Variants in HCRTR2 observed in about 807,000 individuals in gnomAD.
HCRTR2 encodes the protein orexin receptor type 2.
Under a neutral mutation model 49.0 loss-of-function variants are expected in HCRTR2, and 22 were observed. That is an observed-to-expected ratio of 0.45 (90% CI 0.32 to 0.64). The LOEUF (loss-of-function observed/expected upper bound fraction) is 0.64. HCRTR2 is among the 30% of genes least tolerant of loss of function. The pLI is 0.04. For missense variants in HCRTR2, 491 were observed against 559.4 expected (o/e 0.88, Z 1.23); for synonymous variants, 236 against 205.3 (o/e 1.15, Z -1.28).
At chr6:55,279,520 AACACAC>A (rs34736199) in intron 5 of HCRTR2, among the ~76,000 whole-genome samples, 161 of 142,762 alleles carry the variant, frequency 1.1e-3, no homozygotes, top group African/African-American at 3.1e-3. Context: ...TTCTTGCTGT[AACACAC>A]ACACACACAC....
At chr6:55,175,442 T>C (rs899357730) in intron 1 of HCRTR2, among the ~76,000 whole-genome samples, 1 of 152,024 alleles carries the variant, frequency 6.6e-6, no homozygotes, top group African/African-American at 2.4e-5. Flanking sequence ...AGGAGGGGCA[T>C]CGGAGAAAAG....
At chr6:55,125,993 G>A (rs1764270626) in intron 1 of HCRTR2, among the ~76,000 whole-genome samples, 1 of 151,958 alleles carries the variant, frequency 6.6e-6, no homozygotes, top group African/African-American at 2.4e-5. Flanking sequence ...CTCTAAGCTG[G>A]TTGTTCTAGT....
At chr6:55,182,969 C>T (rs570140504) in intron 1 of HCRTR2, among the ~76,000 whole-genome samples, 1 of 152,274 alleles carries the variant, frequency 6.6e-6, no homozygotes, top group South Asian at 2.1e-4. Flanking sequence ...GAATTCAATG[C>T]TTAATGGCAT....
chr6:55,192,277 G>A (rs1361878392), intron 1 of HCRTR2, among the ~76,000 whole-genome samples: 4 of 152,084 alleles, frequency 2.6e-5, no homozygotes, highest in Admixed American at 2.6e-4. Context: ...TTATTGGCTG[G>A]ACATGGTGGC....
intron 1 of HCRTR2, among the ~76,000 whole-genome samples, chr6:55,230,075 A>G (rs965779562): frequency 1.3e-5 from 2 of 152,202 alleles, no homozygotes; most frequent in South Asian, 2.1e-4. Context: ...GTCAGGCACC[A>G]ACCAGCAATA....
In HCRTR2 at chr6:55,200,038, A is replaced by C. The variant is rs11968170; in HGVS notation, c.223+25228A>C. Among the ~76,000 whole-genome samples the C allele has an allele frequency of 2.8e-3, 428 of 152,320 alleles. 4 individuals carry two copies. Among genetic ancestry groups the C allele is most frequent in the African/African-American group, 1.0e-2 (414 of 41,574 alleles). ...ACCCAGCTTTGCCACTTACTGCCCA[A>C]GTAAATATTGCCATCCATCAGATAT... On this transcript the variant is annotated intron_variant, in intron 1 of 6. Transcript: ENST00000370862.
At chr6:55,159,328 C>T (rs1764774215) in intron 1 of HCRTR2, among the ~76,000 whole-genome samples, 1 of 151,616 alleles carries the variant, frequency 6.6e-6, no homozygotes, top group Non-Finnish European at 1.5e-5. Context: ...AAAACCCCAT[C>T]TGAAGGTCAC....
intron 4 of HCRTR2, among the ~76,000 whole-genome samples, chr6:55,272,539 T>C (rs1245866356): frequency 6.6e-6 from 1 of 152,048 alleles, no homozygotes; most frequent in Non-Finnish European, 1.5e-5. Context: ...TAAAATGTTT[T>C]CTTTTAAAAA....
chr6:55,165,485 A>T (rs547307567), intron 1 of HCRTR2, among the ~76,000 whole-genome samples: 38 of 152,142 alleles, frequency 2.5e-4, no homozygotes, highest in Non-Finnish European at 5.1e-4. Context: ...AATAGATTAA[A>T]GACCTAAGTA....
chr6:55,106,944 G>C (rs4236124), intron 1 of HCRTR2, among the ~76,000 whole-genome samples: 1 of 152,126 alleles, frequency 6.6e-6, no homozygotes, highest in African/African-American at 2.4e-5. Flanking sequence ...CTCAGACAGA[G>C]GTGACTATCT....
chr6:55,212,446 G>A (rs1279691769), intron 1 of HCRTR2, among the ~76,000 whole-genome samples: 4 of 152,116 alleles, frequency 2.6e-5, no homozygotes, highest in Non-Finnish European at 5.9e-5. Context: ...TGGTATGGAA[G>A]TGGACATTTC....
intron 1 of HCRTR2, among the ~76,000 whole-genome samples, chr6:55,127,851 T>G (rs973338705): frequency 6.6e-6 from 1 of 152,112 alleles, no homozygotes; most frequent in African/African-American, 2.4e-5. Flanking sequence ...GTTTGTAAAA[T>G]TTTTCTCCAA....
At chr6:55,111,653 A>C (rs770289570) in intron 1 of HCRTR2, among the ~76,000 whole-genome samples, 10 of 152,068 alleles carry the variant, frequency 6.6e-5, no homozygotes, top group Non-Finnish European at 1.5e-4. Flanking sequence ...TGAAGTGATC[A>C]TTTAAAAATT....
intron 1 of HCRTR2, among the ~76,000 whole-genome samples, chr6:55,121,773 G>C (rs1237801332): frequency 6.6e-6 from 1 of 152,118 alleles, no homozygotes; most frequent in Non-Finnish European, 1.5e-5. Context: ...TTATTGATTG[G>C]TGTATGTTGA....
At chr6:55,256,282 T>G (rs1234323706) in intron 3 of HCRTR2, among the ~76,000 whole-genome samples, 1 of 152,160 alleles carries the variant, frequency 6.6e-6, no homozygotes, top group South Asian at 2.1e-4. Flanking sequence ...AGAATTCATA[T>G]GTTAACATTG....
Position 55,186,606 on chromosome 6 carries a change from T to A in HCRTR2, c.223+11796T>A, listed in dbSNP as rs890235922. Among the ~76,000 whole-genome samples the A allele has an allele frequency of 2.6e-5, 4 of 152,358 alleles. No individual in the cohort carries two copies. The South Asian group carries it at 6.2e-4, about 24-fold the overall frequency. On this transcript the variant is annotated intron_variant, in intron 1 of 6. Transcript: ENST00000370862. ...ACCAAGATTTCTTTAAATGATACGC[T>A]ATATTTCTGCAATAACTGAGAAGAA...
intron 1 of HCRTR2, among the ~76,000 whole-genome samples, chr6:55,152,384 T>G (rs2127258487): frequency 6.6e-6 from 1 of 152,026 alleles, no homozygotes; most frequent in Non-Finnish European, 1.5e-5. Context: ...TCTTGAAAAA[T>G]TATATATTGA....
chr6:55,120,556 T>TTGTC (rs1764182931), intron 1 of HCRTR2, among the ~76,000 whole-genome samples: 3 of 149,148 alleles, frequency 2.0e-5, no homozygotes, highest in Non-Finnish European at 4.4e-5. Context: ...GGCTCACTGT[T>TTGTC]TGTTATTGTT....
chr6:55,283,096 A>G (rs1767228459), downstream of HCRTR2, among the ~76,000 whole-genome samples: 1 of 152,250 alleles, frequency 6.6e-6, no homozygotes, highest in Non-Finnish European at 1.5e-5. Context: ...ACTCTATCAC[A>G]GTAAAAGTTT....
Sources: gnomAD v4.1 joint callset for allele counts (sites outside exome capture counted in the v4.1 genomes callset) on GRCh38, gnomAD v4.1.1 for gene constraint, MANE v1.5 for transcripts, NCBI Gene and HGNC (gene_info 2026-07-23, HGNC 2026-07-21) for gene names.